The following LY75 variants were observed in gnomAD, a reference collection of about 807,000 sequenced individuals.
The protein encoded by LY75 is C-type lectin domain family 13 member B.
A neutral mutation model predicts 231.7 loss-of-function variants in LY75; 185 were observed. The observed-to-expected ratio is 0.80, with a 90% confidence interval of 0.71 to 0.90. LY75 has a LOEUF of 0.90. Ranked by LOEUF, LY75 falls within the 40% of genes least tolerant of loss-of-function variation. LY75 has a pLI of 0.00. For missense variants in LY75, 1,947 were observed against 2,050.2 expected (o/e 0.95, Z 0.97); for synonymous variants, 668 against 689.0 (o/e 0.97, Z 0.48).
chr2:159,858,468 A>C lies in LY75; in HGVS notation c.2277T>G (p.His759Gln), dbSNP rs780906869. Residue 759 changes from histidine to glutamine, a missense_variant, in exon 16 of 35, where the codon CAT (histidine) becomes CAG (glutamine). His to Gln is a conservative substitution (Grantham distance 24, BLOSUM62 0). Coordinates refer to ENST00000263636, the MANE Select transcript of LY75 (RefSeq NM_002349.4). Reference sequence around the variant, plus strand: ...AATGCCAGCCTCTTCGCCATGGCCTATGAAATACCTATAAGAGGAAAAGTA... The same window carrying C: ...AATGCCAGCCTCTTCGCCATGGCCTCTGAAATACCTATAAGAGGAAAAGTA... ...IRDCAAVKVF[H>Q]RPWRRGWHFY... 1.9e-6 allele frequency: 3 copies of C among 1,611,310 alleles called. No individual in the cohort carries two copies. In the African/African-American group the frequency reaches 4.0e-5, roughly 22 times the overall value.
In LY75 at chr2:159,871,516, ATTTTGTAGTAT is replaced by A. The variant is rs1685011626; in HGVS notation, c.2117+924_2117+934del. Among the ~76,000 whole-genome samples, 3 of 152,272 alleles carry A rather than the reference ATTTTGTAGTAT, an allele frequency of 2.0e-5. No individual in the cohort carries two copies. In the South Asian group the frequency reaches 6.2e-4, roughly 32 times the overall value. ...TAAGGATTTTTATTAGAATTTCACA[ATTTTGTAGTAT>A]TTTGTGGCCCCTTCCTCCCAGGAAA... On this transcript the variant is annotated intron_variant, in intron 13 of 34. Coordinates refer to ENST00000263636, the MANE Select transcript of LY75 (RefSeq NM_002349.4).
At chr2:159,883,266 A>G (rs1228429928) in intron 6 of LY75, among the ~76,000 whole-genome samples, 1 of 151,074 alleles carries the variant, frequency 6.6e-6, no homozygotes, top group Admixed American at 6.6e-5. Flanking sequence ...ATGTACCCTA[A>G]AACTTAAAGT....
At chr2:159,886,297 C>T (rs148479299) in intron 5 of LY75, 123 bp downstream of exon 5, 154 of 1,074,900 alleles carry the variant, frequency 1.4e-4, no homozygotes, top group Non-Finnish European at 1.8e-4. Context: ...AAAAATTCTT[C>T]TGAGAGGTAA....
At chr2:159,858,620 G>A in intron 15 of LY75, 144 bp from the exon 16 acceptor site, 1 of 937,316 alleles carries the variant, frequency 1.1e-6, no homozygotes, top group Non-Finnish European at 1.5e-6. Context: ...TGAATTAATG[G>A]AATATTTAAA....
chr2:159,858,380 C>G lies in LY75; in HGVS notation c.2365G>C (p.Val789Leu). The G allele has an allele frequency of 6.2e-7, 1 of 1,613,114 alleles. No individual in the cohort carries two copies. Among genetic ancestry groups the G allele is most frequent in the Non-Finnish European group, 8.5e-7 (1 of 1,179,596 alleles). The change falls in exon 16 of 35, where the codon GTG (valine) becomes CTG (leucine). Residue 789 changes from valine (V) to leucine (L), a missense_variant. Coordinates refer to ENST00000263636, the MANE Select transcript of LY75 (RefSeq NM_002349.4). ...PFACDTKLEWVCQIPKGRTPK... is the reference protein window; with the variant it reads ...PFACDTKLEWLCQIPKGRTPK... ...CACTTACCTTTTGGAATTTGGCACACCCATTCAAGTTTTGTATCACAAGCA... is the reference window on the plus strand; with the variant it reads ...CACTTACCTTTTGGAATTTGGCACAGCCATTCAAGTTTTGTATCACAAGCA...
At chr2:159,901,058 C>T (rs761017711) in intron 1 of LY75, among the ~76,000 whole-genome samples, 4 of 152,090 alleles carry the variant, frequency 2.6e-5, no homozygotes, top group Non-Finnish European at 5.9e-5. Context: ...AAGCTGGTCT[C>T]GAACTCCTGA....
chr2:159,843,036 C>CA lies in LY75; in HGVS notation c.3151-663dup, dbSNP rs553322994. 3.5e-4 allele frequency among the ~76,000 whole-genome samples: 53 copies of CA among 151,206 alleles called. No individual in the cohort carries two copies. The East Asian group carries it at 8.7e-3, about 25-fold the overall frequency. On this transcript the variant is annotated intron_variant, in intron 23 of 34. Coordinates refer to ENST00000263636, the MANE Select transcript of LY75 (RefSeq NM_002349.4). ...TAGGAAAGAATAAAATGAGAAATGT[C>CA]AAAAAAATTGGTATGAGTAAAACTT...
At chr2:159,877,382 C>T (rs1218469582) in intron 11 of LY75, among the ~76,000 whole-genome samples, 1 of 152,174 alleles carries the variant, frequency 6.6e-6, no homozygotes, top group Non-Finnish European at 1.5e-5. Flanking sequence ...AAGCCACTGG[C>T]TTAAAAATCA....
chr2:159,819,536 A>G (rs746070693), intron 29 of LY75, among the ~76,000 whole-genome samples, 190 bp downstream of exon 29: 4 of 152,012 alleles, frequency 2.6e-5, no homozygotes, highest in Admixed American at 6.6e-5. Context: ...CCACAACTAC[A>G]TTTTACTCCT....
In LY75 at chr2:159,815,394, T is replaced by C; in HGVS notation, c.4549+11A>G. On this transcript the variant is annotated intron_variant, in intron 31 of 34. Transcript: ENST00000263636. ...TTCATAAATGTACTGTTACTGAAAT[T>C]GAAGTCTTACATTTTGTAGGTTTAT... 1 of 1,580,490 alleles carries C rather than the reference T, an allele frequency of 6.3e-7. No individual in the cohort carries two copies. Among genetic ancestry groups the C allele is most frequent in the Non-Finnish European group, 8.6e-7 (1 of 1,167,262 alleles).
At chr2:159,859,652 G>T (rs193114651) in intron 15 of LY75, among the ~76,000 whole-genome samples, 5 of 152,228 alleles carry the variant, frequency 3.3e-5, no homozygotes, top group Admixed American at 6.5e-5. Flanking sequence ...TAGCATAGTG[G>T]TTAAGAGTAC....
intron 15 of LY75, among the ~76,000 whole-genome samples, chr2:159,859,669 CA>C (rs1285412227): frequency 6.6e-6 from 1 of 152,180 alleles, no homozygotes; most frequent in Admixed American, 6.5e-5. Flanking sequence ...GTACCAGACC[CA>C]GACACACATG....
At chr2:159,868,962 T>C (rs1256213101) in intron 13 of LY75, among the ~76,000 whole-genome samples, 3 of 152,120 alleles carry the variant, frequency 2.0e-5, no homozygotes, top group Non-Finnish European at 4.4e-5. Context: ...TGGAATACTA[T>C]GCAGCCATAA....
chr2:159,837,620 T>C (rs2729714), intron 25 of LY75, among the ~76,000 whole-genome samples: 145,921 of 151,488 alleles, frequency 0.96, 70,205 homozygotes, highest in East Asian at 1. Context: ...CAATCCTGCA[T>C]GTGTACCCCC....
rs145701809 is a variant in LY75 at position 159,898,689 on chromosome 2, A to T, written c.465T>A (p.His155Gln). ...TCAAAGTCCCTCTCTAATACTCACCATGATAAGGCTGGTCACAAAGGCTTT... is the reference window on the plus strand; with the variant it reads ...TCAAAGTCCCTCTCTAATACTCACCTTGATAAGGCTGGTCACAAAGGCTTT... ...SEESLCDQPY[H>Q]EIYTRDGNSY... is the part of the protein sequence containing the mutation. The change falls in exon 2 of 35, where the codon CAT becomes CAA. Residue 155 changes from histidine to glutamine, a missense_variant and splice_region_variant. Coordinates refer to ENST00000263636, the MANE Select transcript of LY75 (RefSeq NM_002349.4). The T allele has an allele frequency of 1.9e-5, 30 of 1,609,338 alleles. No homozygotes were observed. In the African/African-American group the frequency reaches 3.9e-4, roughly 21 times the overall value.
Position 159,872,440 on chromosome 2 carries a change from T to C in LY75, c.2117+11A>G, listed in dbSNP as rs752769536. ...AATTCAGCATAGAAATTCTCATTCT[T>C]AAAGTATTACCTGAACTGGTCCGTT... On this transcript the variant is annotated intron_variant, in intron 13 of 34. Transcript: ENST00000263636. 100 of 1,611,278 alleles carry C rather than the reference T, an allele frequency of 6.2e-5. 1 individual carries two copies. Among genetic ancestry groups the C allele is most frequent in the Non-Finnish European group, 8.4e-5 (99 of 1,179,028 alleles).
rs557189751 is a variant in LY75, at chr2:159,848,068, GTATATATA to G, written c.3150+1904_3150+1911del. Reference sequence around the variant, plus strand: ...TGAATGGATAAAGAAATTATGGTGTGTATATATATATATATATATATATATACACACAC... The same window carrying G: ...TGAATGGATAAAGAAATTATGGTGTGTATATATATATATATATACACACAC... On this transcript the variant is annotated intron_variant, in intron 23 of 34. Transcript: ENST00000263636. Among the ~76,000 whole-genome samples the G allele has an allele frequency of 7.2e-4, 89 of 123,908 alleles. 2 individuals are homozygous for G. Among genetic ancestry groups the G allele is most frequent in the East Asian group, 2.0e-3 (7 of 3,554 alleles). The allele number at this position is 123,908 out of a possible 152,430, so 81.3% of individuals were successfully genotyped here.
intron 24 of LY75, among the ~76,000 whole-genome samples, chr2:159,841,666 T>C (rs953414827): frequency 1.3e-5 from 2 of 152,186 alleles, no homozygotes; most frequent in African/African-American, 4.8e-5. Context: ...GTTTATAATG[T>C]TTCAAACCCC....
At chr2:159,877,009 C>CAAAAAAAAAAAAAAAAAA (rs58831835) in intron 11 of LY75, among the ~76,000 whole-genome samples, 6 of 90,542 alleles carry the variant, frequency 6.6e-5, no homozygotes, top group Admixed American at 1.5e-4. Context: ...AACTCCATCT[C>CAAAAAAAAAAAAAAAAAA]AAAAAAAAAA....
Sources: gnomAD v4.1 joint callset for allele counts (sites outside exome capture counted in the v4.1 genomes callset) on GRCh38, gnomAD v4.1.1 for gene constraint, MANE v1.5 for transcripts, NCBI Gene and HGNC (gene_info 2026-07-23, HGNC 2026-07-21) for gene names.